Variants in ITFG1 observed in about 807,000 individuals in gnomAD.
ITFG1 encodes T-cell immunomodulatory protein.
ITFG1 carries 34 observed loss-of-function variants against 81.8 expected under a neutral mutation model. The ratio of observed to expected loss-of-function variants is 0.42; its 90% CI spans 0.32 to 0.55. The LOEUF is 0.55. Among genes scored for constraint, ITFG1 ranks in the 20% least tolerant of loss-of-function variants. The pLI, the probability that ITFG1 is intolerant of heterozygous loss-of-function variation, is 0.17. For missense variants in ITFG1, 672 were observed against 755.4 expected (o/e 0.89, Z 1.29); for synonymous variants, 285 against 270.6 (o/e 1.05, Z -0.52).
At chr16:47,370,761 C>T (rs763945803) in intron 7 of ITFG1, among the ~76,000 whole-genome samples, 11 of 152,120 alleles carry the variant, frequency 7.2e-5, no homozygotes, top group African/African-American at 2.2e-4. Context: ...ACTGGTAGTG[C>T]GAGCCAAACA....
intron 10 of ITFG1, among the ~76,000 whole-genome samples, chr16:47,277,765 G>A (rs1249799050): frequency 1.3e-5 from 2 of 152,068 alleles, no homozygotes; most frequent in African/African-American, 4.8e-5. Flanking sequence ...TAGTATGTAC[G>A]CACAAAAAAT....
chr16:47,294,737 T>C (rs1041723359), intron 10 of ITFG1, among the ~76,000 whole-genome samples: 1 of 152,196 alleles, frequency 6.6e-6, no homozygotes, highest in Non-Finnish European at 1.5e-5. Flanking sequence ...TAGATTTGTT[T>C]ATCAAAACTA....
rs147497164 is a variant in ITFG1 at position 47,455,339 on chromosome 16, G to A, written c.282-1181C>T. Among the ~76,000 whole-genome samples, 537 of 151,352 alleles carry A rather than the reference G, an allele frequency of 3.5e-3. 2 individuals carry two copies. The highest frequency in any genetic ancestry group is 0.012 in the African/African-American group (502 of 41,214). On this transcript the variant is annotated intron_variant, in intron 2 of 17. Coordinates refer to ENST00000320640, the MANE Select transcript of ITFG1 (RefSeq NM_030790.5). ...GGAACCTGAAGAAAACAGAACTAATGCAACAAAAGAAAACTTCAAAATTAC... is the reference window on the plus strand; with the variant it reads ...GGAACCTGAAGAAAACAGAACTAATACAACAAAAGAAAACTTCAAAATTAC...
intron 14 of ITFG1, among the ~76,000 whole-genome samples, chr16:47,192,972 C>T (rs1233840869): frequency 6.6e-6 from 1 of 152,108 alleles, no homozygotes; most frequent in South Asian, 2.1e-4. Flanking sequence ...GCTCTAGCTG[C>T]GGCTTCTACT....
At chr16:47,218,811 G>A in intron 14 of ITFG1, 57 bp downstream of exon 14, 1 of 1,030,486 alleles carries the variant, frequency 9.7e-7, no homozygotes, top group South Asian at 1.6e-5. Flanking sequence ...AGTTTACCTT[G>A]CTAATATATT....
intron 10 of ITFG1, among the ~76,000 whole-genome samples, chr16:47,300,691 G>A (rs1967061983): frequency 6.6e-6 from 1 of 152,180 alleles, no homozygotes; most frequent in African/African-American, 2.4e-5. Context: ...CCTTAAAATA[G>A]AAGGCAGATG....
At chr16:47,407,590 G>A (rs201713344) in intron 6 of ITFG1, among the ~76,000 whole-genome samples, 2 of 152,134 alleles carry the variant, frequency 1.3e-5, no homozygotes, top group Non-Finnish European at 2.9e-5. Context: ...CATGTGATCC[G>A]CCTGCCTTGG....
intron 12 of ITFG1, among the ~76,000 whole-genome samples, chr16:47,242,152 A>C (rs1030919594): frequency 2.0e-5 from 3 of 152,118 alleles, no homozygotes; most frequent in Non-Finnish European, 2.9e-5. Flanking sequence ...TTACAAAATA[A>C]GAAAGATACC....
Position 47,441,098 on chromosome 16 carries a change from C to G in ITFG1, c.560+10298G>C, listed in dbSNP as rs376325529. Among the ~76,000 whole-genome samples the G allele has an allele frequency of 8.5e-5, 13 of 152,150 alleles. No homozygotes were observed. In the East Asian group the frequency reaches 1.5e-3, roughly 18 times the overall value. On this transcript the variant is annotated intron_variant, in intron 5 of 17. Coordinates refer to ENST00000320640, the MANE Select transcript of ITFG1 (RefSeq NM_030790.5). ...ATCTAGAAGAAATGGATAAATTCCT[C>G]GACACATACACCCTCCCAAGACTAA...
chr16:47,215,406 A>G (rs1965613696), intron 14 of ITFG1, among the ~76,000 whole-genome samples: 1 of 152,264 alleles, frequency 6.6e-6, no homozygotes, highest in Non-Finnish European at 1.5e-5. Flanking sequence ...AATACAGCAT[A>G]TGTTTGAAAT....
rs1203838372 is a variant in ITFG1, at chr16:47,364,532, G to T, written c.802+1256C>A. ...ACACTTTTTTCCTAAAGAGAGACTT[G>T]CAGATAGAGCTGTTATTAATCTAGC... On this transcript the variant is annotated intron_variant, in intron 8 of 17. Coordinates refer to ENST00000320640, the MANE Select transcript of ITFG1 (RefSeq NM_030790.5). Among the ~76,000 whole-genome samples, 7 of 152,182 alleles carry T rather than the reference G, an allele frequency of 4.6e-5. No individual in the cohort carries two copies. The East Asian group carries it at 1.4e-3, about 29-fold the overall frequency.
chr16:47,246,643 C>T (rs995090684), intron 12 of ITFG1, among the ~76,000 whole-genome samples: 3 of 152,086 alleles, frequency 2.0e-5, no homozygotes, highest in Non-Finnish European at 4.4e-5. Flanking sequence ...ACTCAGACTG[C>T]GTGGGTTCTG....
intron 10 of ITFG1, among the ~76,000 whole-genome samples, chr16:47,288,166 A>G (rs1038253496): frequency 6.6e-6 from 1 of 152,190 alleles, no homozygotes; most frequent in Non-Finnish European, 1.5e-5. Context: ...GAGATAAACT[A>G]TTTTAGCTTC....
intron 13 of ITFG1, among the ~76,000 whole-genome samples, chr16:47,229,985 GTTA>G (rs1161241910): frequency 1.3e-5 from 2 of 152,156 alleles, no homozygotes; most frequent in South Asian, 2.1e-4. Flanking sequence ...TTTATTATCA[GTTA>G]TTGTTGTTAT....
At chr16:47,457,905 T>G (rs894694257) in intron 2 of ITFG1, among the ~76,000 whole-genome samples, 1 of 152,190 alleles carries the variant, frequency 6.6e-6, no homozygotes, top group African/African-American at 2.4e-5. Context: ...TCAAGGGAAA[T>G]AAGTTCCTGT....
chr16:47,224,940 A>G (rs1965740263), intron 13 of ITFG1, among the ~76,000 whole-genome samples: 1 of 152,158 alleles, frequency 6.6e-6, no homozygotes, highest in Non-Finnish European at 1.5e-5. Flanking sequence ...TTGAGGCTGT[A>G]GTGAGCCATG....
intron 7 of ITFG1, among the ~76,000 whole-genome samples, chr16:47,374,265 T>G (rs576600951): frequency 6.6e-6 from 1 of 152,358 alleles, no homozygotes; most frequent in South Asian, 2.1e-4. Context: ...AGTTACTTAC[T>G]GATCCAGCCC....
intron 5 of ITFG1, among the ~76,000 whole-genome samples, chr16:47,431,690 T>C (rs1321688443): frequency 1.3e-5 from 2 of 152,210 alleles, no homozygotes; most frequent in African/African-American, 2.4e-5. Flanking sequence ...GATTCTATGA[T>C]AAATTTAAAG....
chr16:47,399,559 C>A (rs912709120), intron 6 of ITFG1, among the ~76,000 whole-genome samples: 3 of 149,872 alleles, frequency 2.0e-5, no homozygotes, highest in Non-Finnish European at 4.4e-5. Flanking sequence ...GGCAAGAGAG[C>A]GAGACTCCGT....
Sources: allele counts gnomAD v4.1 joint callset (sites outside exome capture counted in the v4.1 genomes callset), GRCh38; gene constraint gnomAD v4.1.1; transcripts MANE v1.5; gene names NCBI Gene and HGNC (gene_info 2026-07-23, HGNC 2026-07-21).